Variants in PRRC2C observed in about 807,000 individuals in gnomAD.
PRRC2C encodes proline rich coiled-coil 2C.
In PRRC2C, 72 loss-of-function variants were observed where a neutral mutation model predicts 317.2. The observed-to-expected ratio is 0.23, with a 90% CI of 0.19 to 0.28. The LOEUF is 0.28. PRRC2C is among the 10% of genes least tolerant of loss of function. PRRC2C has a pLI of 1.00. For synonymous variants in PRRC2C, 1,296 were observed against 1,205.9 expected (o/e 1.07, Z -1.55); for missense variants, 3,074 against 3,459.7 (o/e 0.89, Z 2.80).
At chr1:171,575,255 A>G in intron 25 of PRRC2C, 127 bp downstream of exon 25, 3 of 958,130 alleles carry the variant, frequency 3.1e-6, no homozygotes, top group Non-Finnish European at 4.6e-6. Flanking sequence ...TCAGCCTCCC[A>G]AAGTGCTGGG....
Position 171,557,719 on chromosome 1 carries a change from C to T in PRRC2C, c.5607C>T (p.Ala1869=), listed in dbSNP as rs753213072. 2 of 1,551,530 alleles carry T rather than the reference C, an allele frequency of 1.3e-6. No homozygotes were observed. Among genetic ancestry groups the T allele is most frequent in the Non-Finnish European group, 8.7e-7 (1 of 1,146,960 alleles). ...CCTCAATTCCCATTCTTGCTTCAGC[C>T]CTAGCATCAACTTCAGCTCCAACGC... ...ASASIPILAS[A]LASTSAPTPA... is the part of the protein sequence containing the mutation. Residue 1869 remains alanine (A), a synonymous_variant, in exon 19 of 35, where the codon GCC becomes GCT. Coordinates refer to ENST00000647382, the MANE Select transcript of PRRC2C (RefSeq NM_001387844.1).
intron 15 of PRRC2C, among the ~76,000 whole-genome samples, chr1:171,537,717 C>G (rs1383581477): frequency 6.6e-6 from 1 of 151,910 alleles, no homozygotes; most frequent in African/African-American, 2.4e-5. Flanking sequence ...TTGGTAGGTT[C>G]TTTTTTGAGA....
intron 34 of PRRC2C, among the ~76,000 whole-genome samples, chr1:171,590,955 G>T (rs1366785496): frequency 1.3e-5 from 2 of 152,132 alleles, no homozygotes; most frequent in Non-Finnish European, 2.9e-5. Context: ...TTTTTAATAT[G>T]CAAGAAGGAT....
chr1:171,493,587 A>G (rs1667573899), intron 1 of PRRC2C, among the ~76,000 whole-genome samples: 1 of 152,236 alleles, frequency 6.6e-6, no homozygotes, highest in Admixed American at 6.5e-5. Flanking sequence ...TGGGAGGCCA[A>G]GGTGGGTGGA....
At chr1:171,517,517 A>G in intron 5 of PRRC2C, 74 bp from the exon 6 acceptor site, 1 of 1,349,002 alleles carries the variant, frequency 7.4e-7, no homozygotes, top group Non-Finnish European at 1.0e-6. Flanking sequence ...CATTTTCCTG[A>G]AATACATTTT....
chr1:171,568,795 A>C (rs1684161942), intron 23 of PRRC2C, among the ~76,000 whole-genome samples: 1 of 151,968 alleles, frequency 6.6e-6, no homozygotes, highest in Non-Finnish European at 1.5e-5. Flanking sequence ...TCTTTAAAAA[A>C]GAAAAAATAC....
intron 32 of PRRC2C, 65 bp downstream of exon 32, chr1:171,587,816 C>T: frequency 9.2e-7 from 1 of 1,082,884 alleles, no homozygotes; most frequent in South Asian, 1.3e-5. Flanking sequence ...AAATACTTAT[C>T]AGTCCTGTGT....
rs890453525 is a variant in PRRC2C, at chr1:171,540,109, G to A, written c.2643G>A (p.Val881=). ...AQVQKFLSRS[V]EDVRPHHTDA... The stretch of plus-strand genomic sequence containing the variant: ...TACAAAAGTTTTTAAGCAGATCTGT[G>A]GAAGATGTTAGACCTCACCATACTG... Residue 881 remains valine (V), a synonymous_variant, in exon 16 of 35, where the codon GTG becomes GTA. Coordinates refer to ENST00000647382, the MANE Select transcript of PRRC2C (RefSeq NM_001387844.1). The A allele has an allele frequency of 1.9e-6, 3 of 1,613,828 alleles. No individual in the cohort carries two copies. The highest frequency in any genetic ancestry group is 2.5e-6 in the Non-Finnish European group (3 of 1,179,880).
chr1:171,517,566 C>T, intron 5 of PRRC2C, 25 bp from the exon 6 acceptor site: 1 of 1,580,984 alleles, frequency 6.3e-7, no homozygotes, highest in Non-Finnish European at 8.6e-7. Flanking sequence ...TTATCTTTTT[C>T]CTTTTTTCTC....
At chr1:171,575,208 T>G in intron 25 of PRRC2C, 80 bp downstream of exon 25, 7 of 1,304,940 alleles carry the variant, frequency 5.4e-6, no homozygotes, top group Non-Finnish European at 7.4e-6. Context: ...TTACTATCTC[T>G]AGCCCTCCGA....
At chr1:171,528,328 G>A (rs891358561) in intron 11 of PRRC2C, among the ~76,000 whole-genome samples, 4 of 140,580 alleles carry the variant, frequency 2.8e-5, no homozygotes, top group South Asian at 2.3e-4. Flanking sequence ...TAGCTCTGTC[G>A]CCCAGGCCGG....
intron 26 of PRRC2C, 76 bp downstream of exon 26, chr1:171,577,713 ACCC>A (rs1647340720): frequency 7.5e-7 from 1 of 1,331,484 alleles, no homozygotes; most frequent in Non-Finnish European, 1.1e-6. Flanking sequence ...GTCTCTTCTT[ACCC>A]TTTCAGCTAA....
chr1:171,544,301 T>A (rs1439817767), intron 16 of PRRC2C, among the ~76,000 whole-genome samples: 1 of 152,098 alleles, frequency 6.6e-6, no homozygotes, highest in East Asian at 1.9e-4. Context: ...TTTTTGTATT[T>A]TTAGAAGAGA....
intron 1 of PRRC2C, among the ~76,000 whole-genome samples, chr1:171,507,110 C>A (rs996882333): frequency 6.6e-6 from 1 of 152,092 alleles, no homozygotes; most frequent in East Asian, 1.9e-4. Flanking sequence ...GTCTGTTAGA[C>A]AAGCCAGATG....
intron 33 of PRRC2C, among the ~76,000 whole-genome samples, chr1:171,588,769 CT>C (rs961821298): frequency 3.3e-5 from 5 of 152,100 alleles, no homozygotes; most frequent in Non-Finnish European, 5.9e-5. Context: ...TTCCTTTTAA[CT>C]TTTTTTAAGG....
At chr1:171,516,921 A>C (rs995067602) in intron 5 of PRRC2C, among the ~76,000 whole-genome samples, 6 of 152,142 alleles carry the variant, frequency 3.9e-5, no homozygotes, top group Non-Finnish European at 8.8e-5. Context: ...TTAATAACTT[A>C]ATCTGGAGAG....
Position 171,550,205 on chromosome 1 carries a change from G to A in PRRC2C, c.5092G>A (p.Glu1698Lys). The change falls in exon 18 of 35, where the codon GAA becomes AAA. Residue 1698 changes from glutamate (E) to lysine (K), a missense_variant. Physicochemically the swap from Glu to Lys is moderately conservative, Grantham distance 56. Coordinates refer to ENST00000647382, the MANE Select transcript of PRRC2C (RefSeq NM_001387844.1). Reference protein sequence around the residue: ...SKKQQKRLQDEERRKKEEQVI... With the variant: ...SKKQQKRLQDKERRKKEEQVI... ...AAAACAACAAAAACGTTTACAGGATGAAGAACGCCGAAAGAAGGAAGAACA... is the reference window on the plus strand; with the variant it reads ...AAAACAACAAAAACGTTTACAGGATAAAGAACGCCGAAAGAAGGAAGAACA... 6.2e-7 allele frequency: 1 copy of A among 1,603,464 alleles called. No homozygotes were observed. The highest frequency in any genetic ancestry group is 2.2e-5 in the East Asian group (1 of 44,644).
At chr1:171,587,427 A>T (rs1650295485) in intron 31 of PRRC2C, among the ~76,000 whole-genome samples, 1 of 152,138 alleles carries the variant, frequency 6.6e-6, no homozygotes, top group Admixed American at 6.5e-5. Flanking sequence ...AGAATTCACA[A>T]ATTTATTGGA....
chr1:171,578,433 G>A (rs777137127), intron 26 of PRRC2C, among the ~76,000 whole-genome samples: 16 of 152,226 alleles, frequency 1.1e-4, no homozygotes, highest in Non-Finnish European at 1.6e-4. Context: ...CATGCCTCTA[G>A]TTCCAGCTAC....
Sources: gnomAD v4.1 joint callset for allele counts (sites outside exome capture counted in the v4.1 genomes callset) on GRCh38, gnomAD v4.1.1 for gene constraint, MANE v1.5 for transcripts, NCBI Gene and HGNC (gene_info 2026-07-23, HGNC 2026-07-21) for gene names.